Variants in PTPRM observed in about 807,000 individuals in gnomAD.
PTPRM encodes receptor-type tyrosine-protein phosphatase mu.
In PTPRM, 47 loss-of-function variants were observed where a neutral mutation model predicts 186.7. That is an observed-to-expected ratio of 0.25 (90% CI 0.20 to 0.32). The LOEUF is 0.32. Ranked by LOEUF, PTPRM falls within the 10% of genes least tolerant of loss-of-function variation. PTPRM has a pLI of 1.00. For missense variants in PTPRM, 1,494 were observed against 1,865.0 expected (o/e 0.80, Z 3.66); for synonymous variants, 668 against 674.9 (o/e 0.99, Z 0.16).
In PTPRM at chr18:8,076,424, T is replaced by G. The variant is rs185031355; in HGVS notation, c.1442-31T>G. ...ATCTACTTTTTAATTGTTTATTACT[T>G]AAACATTTATTTCCTCCCACCCTCC... On this transcript the variant is annotated intron_variant, in intron 8 of 32. Coordinates refer to ENST00000580170, the MANE Select transcript of PTPRM (RefSeq NM_001105244.2). The G allele has an allele frequency of 6.4e-5, 83 of 1,306,832 alleles. No homozygotes were observed. In the East Asian group the frequency reaches 1.8e-3, roughly 29 times the overall value. The allele number at this position is 1,306,832 out of a possible 1,614,324, so 81.0% of individuals were successfully genotyped here. A position where few individuals can be genotyped will look rare whatever the true frequency, so the allele number is the denominator to read the frequency against.
intron 3 of PTPRM, among the ~76,000 whole-genome samples, chr18:7,905,038 G>T (rs1464697886): frequency 6.6e-6 from 1 of 151,622 alleles, no homozygotes; most frequent in East Asian, 1.9e-4. Flanking sequence ...TTGTTGCCCA[G>T]GCTGGAGTGC....
rs2093900523 is a variant in PTPRM, at chr18:8,204,569, G to A, written c.2301-39489G>A. ...AGAAACTGATTCCACCTTGAAGGGAGATGACCCAAGCTTGACAGCTGCCTC... is the reference window on the plus strand; with the variant it reads ...AGAAACTGATTCCACCTTGAAGGGAAATGACCCAAGCTTGACAGCTGCCTC... On this transcript the variant is annotated intron_variant, in intron 14 of 32. Coordinates refer to ENST00000580170, the MANE Select transcript of PTPRM (RefSeq NM_001105244.2). 2.0e-5 allele frequency among the ~76,000 whole-genome samples: 3 copies of A among 152,096 alleles called. No homozygotes were observed. In the South Asian group the frequency reaches 6.2e-4, roughly 32 times the overall value.
chr18:7,772,817 T>G (rs951130948), intron 1 of PTPRM, among the ~76,000 whole-genome samples: 1 of 152,190 alleles, frequency 6.6e-6, no homozygotes, highest in African/African-American at 2.4e-5. Context: ...ATTCTTAAAT[T>G]CATGTTTTCT....
At chr18:7,616,665 G>A (rs1769989208) in intron 1 of PTPRM, among the ~76,000 whole-genome samples, 1 of 152,118 alleles carries the variant, frequency 6.6e-6, no homozygotes, top group South Asian at 2.1e-4. Flanking sequence ...TTTCCTCTTT[G>A]TCTCCCATCC....
rs369779685 is a variant in PTPRM at position 7,799,705 on chromosome 18, C to T, written c.196+25434C>T. 4.6e-5 allele frequency among the ~76,000 whole-genome samples: 7 copies of T among 152,042 alleles called. No homozygotes were observed. The East Asian group carries it at 5.8e-4, about 13-fold the overall frequency. ...TTTTTGATGCAATTATAAATGTTGT[C>T]TTTTTAAAAAAAATGTTGCTGATAC... On this transcript the variant is annotated intron_variant, in intron 2 of 32. Coordinates refer to ENST00000580170, the MANE Select transcript of PTPRM (RefSeq NM_001105244.2).
chr18:8,133,511 G>A (rs531195991), intron 13 of PTPRM, among the ~76,000 whole-genome samples: 1 of 152,264 alleles, frequency 6.6e-6, no homozygotes, highest in Admixed American at 6.5e-5. Flanking sequence ...GACAAGCAAG[G>A]TGCTCTAGGA....
chr18:7,834,650 C>T (rs924943951), intron 2 of PTPRM, among the ~76,000 whole-genome samples: 17 of 151,170 alleles, frequency 1.1e-4, no homozygotes, highest in Middle Eastern at 6.8e-3. Flanking sequence ...CTCCATCCTC[C>T]TCTGTTTTTC....
At chr18:7,659,707 T>C (rs2144367904) in intron 1 of PTPRM, among the ~76,000 whole-genome samples, 1 of 152,332 alleles carries the variant, frequency 6.6e-6, no homozygotes, top group South Asian at 2.1e-4. Flanking sequence ...ACTGAATATA[T>C]CTTTTTTATA....
At chr18:7,584,882 G>C (rs548953912) in intron 1 of PTPRM, among the ~76,000 whole-genome samples, 1 of 152,238 alleles carries the variant, frequency 6.6e-6, no homozygotes, top group African/African-American at 2.4e-5. Context: ...AGCCAGGCCT[G>C]TGCTGAGCAT....
At chr18:7,690,916 G>A (rs2039718039) in intron 1 of PTPRM, among the ~76,000 whole-genome samples, 1 of 152,132 alleles carries the variant, frequency 6.6e-6, no homozygotes. Flanking sequence ...ATGATTATAT[G>A]TATATTGAGT....
intron 19 of PTPRM, among the ~76,000 whole-genome samples, chr18:8,280,419 G>T (rs537635365): frequency 8.7e-5 from 11 of 126,682 alleles, no homozygotes; most frequent in African/African-American, 2.5e-4. Flanking sequence ...GTGGGGGGGG[G>T]GTCACAATTC....
chr18:8,148,737 G>C (rs903470360), intron 14 of PTPRM, among the ~76,000 whole-genome samples: 1 of 151,908 alleles, frequency 6.6e-6, no homozygotes, highest in Non-Finnish European at 1.5e-5. Flanking sequence ...TTTTCATTTT[G>C]ATTTTAGGGT....
At chr18:7,917,025 G>A (rs1351334896) in intron 4 of PTPRM, among the ~76,000 whole-genome samples, 1 of 152,140 alleles carries the variant, frequency 6.6e-6, no homozygotes, top group African/African-American at 2.4e-5. Context: ...ACATGAGTGA[G>A]AATGTGGTAT....
chr18:7,656,305 A>C (rs1418513537), intron 1 of PTPRM, among the ~76,000 whole-genome samples: 1 of 152,240 alleles, frequency 6.6e-6, no homozygotes, highest in Non-Finnish European at 1.5e-5. Flanking sequence ...GCTGAGTGAA[A>C]TAAGCTGATC....
intron 19 of PTPRM, among the ~76,000 whole-genome samples, chr18:8,283,258 G>A (rs546317735): frequency 6.6e-6 from 1 of 152,304 alleles, no homozygotes; most frequent in East Asian, 1.9e-4. Flanking sequence ...AGGAATAAAT[G>A]GAAGCTCTCC....
chr18:7,572,404 C>G (rs1186265193), intron 1 of PTPRM, among the ~76,000 whole-genome samples: 1 of 152,114 alleles, frequency 6.6e-6, no homozygotes, highest in Non-Finnish European at 1.5e-5. Flanking sequence ...TTAAGCAATT[C>G]TGTGACAATT....
intron 1 of PTPRM, among the ~76,000 whole-genome samples, chr18:7,685,175 A>G (rs1212054847): frequency 6.6e-6 from 1 of 152,048 alleles, no homozygotes; most frequent in Non-Finnish European, 1.5e-5. Context: ...TTAAAATTCC[A>G]CCCACCACCA....
intron 7 of PTPRM, among the ~76,000 whole-genome samples, chr18:8,006,710 A>C (rs551966763): frequency 6.6e-6 from 1 of 152,322 alleles, no homozygotes; most frequent in African/African-American, 2.4e-5. Context: ...CTGACACTGA[A>C]GCACCAGTCA....
At chr18:8,209,431 C>T (rs749939552) in intron 14 of PTPRM, among the ~76,000 whole-genome samples, 2 of 152,106 alleles carry the variant, frequency 1.3e-5, no homozygotes, top group African/African-American at 4.8e-5. Flanking sequence ...TCAGCTTGAG[C>T]AACTACAAAG....
Sources: allele counts gnomAD v4.1 joint callset (sites outside exome capture counted in the v4.1 genomes callset), GRCh38; gene constraint gnomAD v4.1.1; transcripts MANE v1.5; gene names NCBI Gene and HGNC (gene_info 2026-07-23, HGNC 2026-07-21).